The following RFTN1 variants were observed in gnomAD, a reference collection of about 807,000 sequenced individuals.
RFTN1 encodes the protein raftlin.
In RFTN1, 26 loss-of-function variants were observed where a neutral mutation model predicts 46.5. The observed-to-expected ratio is 0.56, with a 90% CI of 0.41 to 0.78. The LOEUF is 0.78. Ranked by LOEUF, RFTN1 falls within the 30% of genes least tolerant of loss-of-function variation. The pLI is 0.00. For synonymous variants in RFTN1, 261 were observed against 284.2 expected, an observed-to-expected ratio of 0.92 and a Z score of 0.82; for missense variants, 693 against 718.7, an observed-to-expected ratio of 0.96 and a Z score of 0.41.
chr3:16,463,309 A>G (rs748452440), intron 2 of RFTN1, among the ~76,000 whole-genome samples: 53 of 152,044 alleles, frequency 3.5e-4, no homozygotes, highest in Non-Finnish European at 3.2e-4. Flanking sequence ...CCAGTTATAC[A>G]TATCTTAGAC....
Position 16,504,485 on chromosome 3 carries a change from T to C in RFTN1, c.-9+8957A>G, listed in dbSNP as rs543636354. On this transcript the variant is annotated intron_variant, in intron 1 of 9. Coordinates refer to ENST00000334133, the MANE Select transcript of RFTN1 (RefSeq NM_015150.2). This position sits in a 1 kb window ranked among gnomAD's most constrained non-coding sequence, Gnocchi z 4.4. ...GATATTGTGAAGTGCCTCAAGCTAG[T>C]AGTTAGCGTGGTATCTGACAGATGT... Among the ~76,000 whole-genome samples the C allele has an allele frequency of 6.6e-6, 1 of 152,336 alleles. No individual in the cohort carries two copies. Among genetic ancestry groups the C allele is most frequent in the South Asian group, 2.1e-4 (1 of 4,830 alleles).
Position 16,320,950 on chromosome 3 carries a change from T to C in RFTN1, c.1332+2426A>G, listed in dbSNP as rs113041905. Among the ~76,000 whole-genome samples the C allele has an allele frequency of 3.0e-3, 457 of 152,318 alleles. 3 individuals are homozygous for C. The highest frequency in any genetic ancestry group is 0.011 in the African/African-American group (440 of 41,580). On this transcript the variant is annotated intron_variant, in intron 9 of 9. Coordinates refer to ENST00000334133, the MANE Select transcript of RFTN1 (RefSeq NM_015150.2). The surrounding 1 kb of genome is among the most constrained non-coding windows in gnomAD (Gnocchi z 4.5). ...ACTTGGGCTCTGAATAGGGAACCTA[T>C]TTGAAGGGGATATCTATTATTAGGA...
intron 2 of RFTN1, among the ~76,000 whole-genome samples, chr3:16,469,503 A>T (rs1469872276): frequency 2.6e-5 from 4 of 152,222 alleles, no homozygotes; most frequent in African/African-American, 9.7e-5. Context: ...ACACCAAGAG[A>T]CAGTGCAAAG....
Position 16,440,688 on chromosome 3 carries a change from G to A in RFTN1, c.146-6651C>T, listed in dbSNP as rs1038990315. Among the ~76,000 whole-genome samples the A allele has an allele frequency of 1.4e-5, 2 of 141,138 alleles. No individual in the cohort carries two copies. The highest frequency in any genetic ancestry group is 3.0e-5 in the Non-Finnish European group (2 of 66,240). 92.6% of individuals were successfully genotyped at this position (141,138 alleles called of 152,430 possible). On this transcript the variant is annotated intron_variant, in intron 2 of 9. Coordinates refer to ENST00000334133, the MANE Select transcript of RFTN1 (RefSeq NM_015150.2). This position sits in a 1 kb window ranked among gnomAD's most constrained non-coding sequence, Gnocchi z 4.6. ...AGGGGACAAGATGGTTACTGCTAAT[G>A]GGGGGGGGGCCCAATGGTGCCAGAA... is the stretch of plus-strand genomic sequence containing the variant.
At position 16,342,217 on chromosome 3, in the gene RFTN1, C is replaced by T. The variant is rs1350618851; in HGVS notation, c.1147-15341G>A. Among the ~76,000 whole-genome samples, 5 of 152,190 alleles carry T rather than the reference C, an allele frequency of 3.3e-5. No individual in the cohort carries two copies. Among genetic ancestry groups the T allele is most frequent in the Non-Finnish European group, 5.9e-5 (4 of 68,006 alleles). ...CACTCCCCTTTCCCCCCACCCACCC[C>T]GAGGCAACCACGAGTCCACTTTTTG... On this transcript the variant is annotated intron_variant, in intron 7 of 9. Transcript: ENST00000334133. The surrounding 1 kb of genome is among the most constrained non-coding windows in gnomAD (Gnocchi z 4.0).
chr3:16,360,534 A>G (rs1003833824), intron 6 of RFTN1, among the ~76,000 whole-genome samples: 1 of 152,234 alleles, frequency 6.6e-6, no homozygotes, highest in Non-Finnish European at 1.5e-5. Flanking sequence ...AAAAGTTTAC[A>G]GTGCTTAAGG....
rs894539735 is a variant in RFTN1 at position 16,466,920 on chromosome 3, G to A, written c.145+26805C>T. ...AGACAAAGGGAGGGAGGATAAAAAG[G>A]AAGGTCACTCTGATTGAAGAGGAGA... On this transcript the variant is annotated intron_variant, in intron 2 of 9. Transcript: ENST00000334133. The surrounding 1 kb of genome is among the most constrained non-coding windows in gnomAD (Gnocchi z 5.6). Among the ~76,000 whole-genome samples, 1 of 152,190 alleles carries A rather than the reference G, an allele frequency of 6.6e-6. No homozygotes were observed. The highest frequency in any genetic ancestry group is 2.4e-5 in the African/African-American group (1 of 41,444).
chr3:16,467,226 T>A (rs537319358), intron 2 of RFTN1, among the ~76,000 whole-genome samples: 1 of 151,924 alleles, frequency 6.6e-6, no homozygotes, highest in Non-Finnish European at 1.5e-5. Flanking sequence ...AATAATCAAG[T>A]GGATATGATG....
intron 9 of RFTN1, among the ~76,000 whole-genome samples, chr3:16,323,062 G>A (rs2069256024): frequency 6.6e-6 from 1 of 152,228 alleles, no homozygotes; most frequent in African/African-American, 2.4e-5. Flanking sequence ...CCCATGGTCA[G>A]GCTGCAGCTG....
intron 4 of RFTN1, among the ~76,000 whole-genome samples, chr3:16,404,987 G>A (rs1349302444): frequency 6.6e-6 from 1 of 152,128 alleles, no homozygotes; most frequent in Non-Finnish European, 1.5e-5. Flanking sequence ...AGAAGTACAT[G>A]CCAGAAAACG....
chr3:16,371,700 T>G (rs1184750264), intron 5 of RFTN1, among the ~76,000 whole-genome samples: 2 of 152,176 alleles, frequency 1.3e-5, no homozygotes, highest in Non-Finnish European at 2.9e-5. Flanking sequence ...GGAAGGAAGG[T>G]GCCCGTCTTT....
chr3:16,428,046 A>G lies in RFTN1; in HGVS notation c.332+5805T>C, dbSNP rs775798924. ...TATTTTGCAGCTCCCTAGTAGATAG[A>G]TAAGTTTCTTGAGATCTAGGAGCTC... On this transcript the variant is annotated intron_variant, in intron 3 of 9. Coordinates refer to ENST00000334133, the MANE Select transcript of RFTN1 (RefSeq NM_015150.2). This position sits in a 1 kb window ranked among gnomAD's most constrained non-coding sequence, Gnocchi z 4.7. Among the ~76,000 whole-genome samples, 23 of 152,190 alleles carry G rather than the reference A, an allele frequency of 1.5e-4. No individual in the cohort carries two copies. The highest frequency in any genetic ancestry group is 3.2e-4 in the Non-Finnish European group (22 of 68,048).
At position 16,336,313 on chromosome 3, in the gene RFTN1, T is replaced by C. The variant is rs2070843253; in HGVS notation, c.1147-9437A>G. ...GGGAAGCCTCTTCTGCCCCAGGAGA[T>C]CCCAGTCTAGGGGTGGGGAGAACAA... On this transcript the variant is annotated intron_variant, in intron 7 of 9. Coordinates refer to ENST00000334133, the MANE Select transcript of RFTN1 (RefSeq NM_015150.2). This position sits in a 1 kb window ranked among gnomAD's most constrained non-coding sequence, Gnocchi z 6.0. 6.6e-6 allele frequency among the ~76,000 whole-genome samples: 1 copy of C among 152,034 alleles called. No individual in the cohort carries two copies. Among genetic ancestry groups the C allele is most frequent in the African/African-American group, 2.4e-5 (1 of 41,390 alleles).
At chr3:16,343,753 G>A (rs1038961460) in intron 7 of RFTN1, among the ~76,000 whole-genome samples, 1 of 152,202 alleles carries the variant, frequency 6.6e-6, no homozygotes, top group Non-Finnish European at 1.5e-5. Context: ...AACTAATGTG[G>A]ATCCAGAAAC....
At chr3:16,432,499 C>T (rs1336052798) in intron 3 of RFTN1, among the ~76,000 whole-genome samples, 1 of 152,116 alleles carries the variant, frequency 6.6e-6, no homozygotes, top group East Asian at 1.9e-4. Context: ...GCCTGGGTGA[C>T]AGAGTGAGAC....
chr3:16,414,790 T>C (rs1051646973), intron 3 of RFTN1, among the ~76,000 whole-genome samples: 4 of 152,016 alleles, frequency 2.6e-5, no homozygotes, highest in East Asian at 1.9e-4. Flanking sequence ...GCATGAGCTC[T>C]CCAGGCAGAG....
rs1170646221 is a variant in RFTN1, at chr3:16,407,128, G to A, written c.441+2247C>T. ...GAGACAGGACCACTGCAATGGGTCA[G>A]CCATGCAATAACCTAATTTGGTTAA... On this transcript the variant is annotated intron_variant, in intron 4 of 9. Coordinates refer to ENST00000334133, the MANE Select transcript of RFTN1 (RefSeq NM_015150.2). The surrounding 1 kb of genome is among the most constrained non-coding windows in gnomAD (Gnocchi z 4.0). Among the ~76,000 whole-genome samples the A allele has an allele frequency of 6.6e-6, 1 of 152,168 alleles. No individual in the cohort carries two copies. Among genetic ancestry groups the A allele is most frequent in the African/African-American group, 2.4e-5 (1 of 41,426 alleles).
Position 16,473,334 on chromosome 3 carries a change from A to C in RFTN1, c.145+20391T>G, listed in dbSNP as rs940919383. ...CACACCTATTGAAAAATCCAGTAAG[A>C]CTTGAAGTACCTTCCTGTCAGATGA... On this transcript the variant is annotated intron_variant, in intron 2 of 9. Transcript: ENST00000334133. This position sits in a 1 kb window ranked among gnomAD's most constrained non-coding sequence, Gnocchi z 5.3. Among the ~76,000 whole-genome samples the C allele has an allele frequency of 3.9e-5, 6 of 151,932 alleles. No individual in the cohort carries two copies. Among genetic ancestry groups the C allele is most frequent in the African/African-American group, 1.5e-4 (6 of 41,350 alleles).
chr3:16,493,561 C>T (rs929819932), intron 2 of RFTN1, among the ~76,000 whole-genome samples, 164 bp downstream of exon 2: 2 of 152,124 alleles, frequency 1.3e-5, no homozygotes, highest in African/African-American at 4.8e-5. Context: ...AGAGATTTCA[C>T]ATAAAAATCT....
Sources: allele counts gnomAD v4.1 joint callset (sites outside exome capture counted in the v4.1 genomes callset), GRCh38; gene constraint gnomAD v4.1.1; non-coding constraint Gnocchi (gnomAD v3.1); transcripts MANE v1.5; gene names NCBI Gene and HGNC (gene_info 2026-07-23, HGNC 2026-07-21).